The following ATG5 variants were observed in gnomAD, a reference collection of about 807,000 sequenced individuals.
ATG5 encodes autophagy related 5, also known as autophagy protein 5.
A neutral mutation model predicts 36.5 loss-of-function variants in ATG5; 14 were observed. The observed-to-expected ratio is 0.38, with a 90% CI of 0.25 to 0.60. ATG5 has a LOEUF of 0.60. Ranked by LOEUF, ATG5 falls within the 20% of genes least tolerant of loss-of-function variation. The pLI is 0.60. For missense variants in ATG5, 195 were observed against 326.7 expected, an observed-to-expected ratio of 0.60 and a Z score of 3.11; for synonymous variants, 95 against 101.5, an observed-to-expected ratio of 0.94 and a Z score of 0.38.
intron 6 of ATG5, among the ~76,000 whole-genome samples, chr6:106,224,161 T>C (rs968276097): frequency 2.6e-5 from 4 of 152,216 alleles, no homozygotes; most frequent in African/African-American, 9.6e-5. Context: ...CAGAGTCAGA[T>C]AATAAAAGAT....
intron 5 of ATG5, among the ~76,000 whole-genome samples, chr6:106,267,410 T>G (rs1279997071): frequency 6.6e-6 from 1 of 152,224 alleles, no homozygotes; most frequent in African/African-American, 2.4e-5. Context: ...ATGGCCATAC[T>G]GCCCAAAGTA....
intron 6 of ATG5, among the ~76,000 whole-genome samples, chr6:106,241,520 G>T (rs773339871): frequency 4.6e-5 from 7 of 152,140 alleles, no homozygotes; most frequent in Non-Finnish European, 8.8e-5. Flanking sequence ...TGAAAACAGG[G>T]TGTACACCCA....
intron 5 of ATG5, among the ~76,000 whole-genome samples, chr6:106,273,066 A>G (rs118091523): frequency 1.8e-4 from 27 of 152,340 alleles, no homozygotes; most frequent in Non-Finnish European, 3.2e-4. Context: ...ACTGATAAAA[A>G]TCTGAATTTT....
chr6:106,241,009 C>T (rs1397936261), intron 6 of ATG5, among the ~76,000 whole-genome samples: 9 of 152,072 alleles, frequency 5.9e-5, no homozygotes, highest in Admixed American at 2.6e-4. Flanking sequence ...AAAAATTAGT[C>T]GGGCATGGTG....
intron 3 of ATG5, among the ~76,000 whole-genome samples, chr6:106,299,970 T>A (rs1437156533): frequency 2.0e-5 from 3 of 152,214 alleles, no homozygotes; most frequent in East Asian, 3.8e-4. Flanking sequence ...AGTAATTTGA[T>A]GATTGCTGTG....
At chr6:106,324,803 C>T (rs996863901) in intron 1 of ATG5, among the ~76,000 whole-genome samples, 1 of 152,168 alleles carries the variant, frequency 6.6e-6, no homozygotes, top group Non-Finnish European at 1.5e-5. Context: ...AAAATTCAAC[C>T]AGAAACTCCC....
intron 6 of ATG5, 142 bp from the exon 7 acceptor site, chr6:106,202,231 T>C (rs1776460675): frequency 3.7e-6 from 2 of 546,200 alleles, no homozygotes; most frequent in Non-Finnish European, 6.5e-6. Flanking sequence ...ACAGATGTGG[T>C]ATCACTGTGA....
intron 3 of ATG5, among the ~76,000 whole-genome samples, chr6:106,306,745 T>G (rs895924292): frequency 5.9e-5 from 9 of 152,086 alleles, no homozygotes; most frequent in African/African-American, 2.2e-4. Context: ...TCTCCCACAC[T>G]GTTTCCCCGT....
At position 106,195,713 on chromosome 6, in the gene ATG5, G is replaced by C. The variant is rs373282654; in HGVS notation, c.691+6259C>G. Among the ~76,000 whole-genome samples the C allele has an allele frequency of 3.6e-4, 54 of 149,864 alleles. 1 individual carries two copies. The highest frequency in any genetic ancestry group is 1.3e-3 in the African/African-American group (54 of 40,808). ...TGACAGTTTGCATGGGGAGAAGTCT[G>C]TCACACAGATGTACTCACCTACAGC... On this transcript the variant is annotated intron_variant, in intron 7 of 7. Transcript: ENST00000369076.
At chr6:106,200,702 G>T (rs759309254) in intron 7 of ATG5, among the ~76,000 whole-genome samples, 33 of 152,016 alleles carry the variant, frequency 2.2e-4, no homozygotes, top group Non-Finnish European at 4.7e-4. Context: ...GGATGGTCTC[G>T]ATCTCCTGAC....
At chr6:106,319,489 TCTA>T (rs1157102103) in intron 1 of ATG5, among the ~76,000 whole-genome samples, 1 of 152,194 alleles carries the variant, frequency 6.6e-6, no homozygotes, top group Non-Finnish European at 1.5e-5. Flanking sequence ...AATCTCCAAA[TCTA>T]CTAAACATAC....
intron 5 of ATG5, among the ~76,000 whole-genome samples, chr6:106,267,080 A>G (rs939322177): frequency 2.6e-5 from 4 of 152,204 alleles, no homozygotes; most frequent in Non-Finnish European, 5.9e-5. Flanking sequence ...ACATGATTGT[A>G]TACTTAGAAA....
intron 3 of ATG5, among the ~76,000 whole-genome samples, chr6:106,303,908 C>T (rs536002219): frequency 6.6e-6 from 1 of 150,750 alleles, no homozygotes; most frequent in Admixed American, 6.6e-5. Context: ...TTAAGAACAC[C>T]AGAAGATGTC....
chr6:106,294,845 G>GAAAAAAAAAAAAAA (rs1219794619), intron 3 of ATG5, among the ~76,000 whole-genome samples: 15 of 85,960 alleles, frequency 1.7e-4, no homozygotes, highest in South Asian at 1.2e-3. Flanking sequence ...CTTTTCTCAA[G>GAAAAAAAAAAAAAA]AAAAAAAAAA....
At chr6:106,252,030 G>C (rs936769389) in intron 5 of ATG5, among the ~76,000 whole-genome samples, 1 of 151,982 alleles carries the variant, frequency 6.6e-6, no homozygotes, top group Non-Finnish European at 1.5e-5. Flanking sequence ...TAGTAGAGAC[G>C]GGATTTCACC....
rs546446594 is a variant in ATG5 at position 106,283,046 on chromosome 6, C to T, written c.316-3223G>A. On this transcript the variant is annotated intron_variant, in intron 4 of 7. Coordinates refer to ENST00000369076, the MANE Select transcript of ATG5 (RefSeq NM_004849.4). ...GTTCAAGTAATCCTCCTGGTTCAGC[C>T]TCCCAAAGTACTGGGATTACGGGCA... is the stretch of plus-strand genomic sequence containing the variant. Among the ~76,000 whole-genome samples, 12 of 152,260 alleles carry T rather than the reference C, an allele frequency of 7.9e-5. 1 individual carries two copies. The South Asian group carries it at 2.5e-3, about 32-fold the overall frequency.
chr6:106,231,507 C>G (rs1440564850), intron 6 of ATG5, among the ~76,000 whole-genome samples: 1 of 152,114 alleles, frequency 6.6e-6, no homozygotes, highest in Non-Finnish European at 1.5e-5. Context: ...TGCTAACTTG[C>G]GTGCTAGAAG....
intron 6 of ATG5, among the ~76,000 whole-genome samples, chr6:106,241,619 T>C (rs1421249266): frequency 6.6e-6 from 1 of 152,212 alleles, no homozygotes; most frequent in Non-Finnish European, 1.5e-5. Flanking sequence ...TATATGTTTT[T>C]TGGCTGAGGT....
chr6:106,207,504 T>C lies in ATG5; in HGVS notation c.574-5415A>G, dbSNP rs1268243191. On this transcript the variant is annotated intron_variant, in intron 6 of 7. Transcript: ENST00000369076. ...GAGCTTGAGCCCATGAGTTTGAGAC[T>C]CACCCGGGCAACACAGAGAGACCTC... Among the ~76,000 whole-genome samples the C allele has an allele frequency of 2.7e-5, 4 of 148,490 alleles. 1 individual carries two copies. In the East Asian group the frequency reaches 8.1e-4, roughly 30 times the overall value.
Sources: gnomAD v4.1 joint callset for allele counts (sites outside exome capture counted in the v4.1 genomes callset) on GRCh38, gnomAD v4.1.1 for gene constraint, MANE v1.5 for transcripts, NCBI Gene and HGNC (gene_info 2026-07-23, HGNC 2026-07-21) for gene names.